ZFR: variants seen among roughly 807,000 people sequenced by gnomAD.
ZFR encodes zinc finger RNA binding protein, also known as zinc finger RNA-binding protein.
A neutral mutation model predicts 130.7 loss-of-function variants in ZFR; 19 were observed. The ratio of observed to expected loss-of-function variants is 0.15; its 90% CI spans 0.10 to 0.21. ZFR has a LOEUF of 0.21. Ranked by LOEUF, ZFR falls within the 10% of genes least tolerant of loss-of-function variation. ZFR has a pLI of 1.00. For synonymous variants in ZFR, 466 were observed against 456.9 expected (o/e 1.02, Z -0.25); for missense variants, 872 against 1,321.5 (o/e 0.66, Z 5.27).
intron 8 of ZFR, 77 bp downstream of exon 8, chr5:32,403,029 G>T: frequency 6.9e-7 from 1 of 1,447,714 alleles, no homozygotes; most frequent in Non-Finnish European, 9.5e-7. Flanking sequence ...AGAACACAGG[G>T]AGAAGGGTTA....
At chr5:32,391,103 A>C (rs186346515) in intron 11 of ZFR, among the ~76,000 whole-genome samples, 1 of 152,322 alleles carries the variant, frequency 6.6e-6, no homozygotes. Context: ...AACAATTCGT[A>C]AGTTTTAAAT....
chr5:32,378,069 ATAAT>A (rs1752863767), intron 17 of ZFR, among the ~76,000 whole-genome samples: 1 of 152,232 alleles, frequency 6.6e-6, no homozygotes, highest in South Asian at 2.1e-4. Flanking sequence ...TGTAAAGAAT[ATAAT>A]TAGTCTAATA....
At position 32,387,557 on chromosome 5, in the gene ZFR, G is replaced by C. The variant is rs1753068646; in HGVS notation, c.2491C>G (p.Gln831Glu). The change falls in exon 14 of 20, where the codon CAG becomes GAG. Residue 831 changes from glutamine to glutamate, a missense_variant. By Grantham distance (29) the Gln-to-Glu change is conservative (BLOSUM62 2). Coordinates refer to ENST00000265069, the MANE Select transcript of ZFR (RefSeq NM_016107.5). ...ATTTCCATAATACTTACAGCAAGCT[G>C]TTTGGGTAGGTTTTCTGCAATACGG... ...LSRIAENLPK[Q>E]LAVISPEKYD... The C allele has an allele frequency of 6.2e-7, 1 of 1,612,284 alleles. No homozygotes were observed. The highest frequency in any genetic ancestry group is 8.5e-7 in the Non-Finnish European group (1 of 1,179,194).
chr5:32,428,048 T>C (rs1042801306), intron 2 of ZFR, among the ~76,000 whole-genome samples: 2 of 152,160 alleles, frequency 1.3e-5, no homozygotes, highest in Non-Finnish European at 2.9e-5. Context: ...CTTCATGACA[T>C]GAAATTTGGC....
At chr5:32,377,890 C>T (rs1455723139) in intron 17 of ZFR, among the ~76,000 whole-genome samples, 1 of 151,862 alleles carries the variant, frequency 6.6e-6, no homozygotes, top group East Asian at 1.9e-4. Context: ...CGAGGTTTCA[C>T]TATGTTGGCC....
intron 2 of ZFR, among the ~76,000 whole-genome samples, chr5:32,440,376 G>A (rs1754441600): frequency 1.3e-5 from 2 of 152,148 alleles, no homozygotes; most frequent in South Asian, 2.1e-4. Context: ...GGTTGGGCGC[G>A]GTGGCTCATG....
At chr5:32,434,057 G>A (rs1754279588) in intron 2 of ZFR, among the ~76,000 whole-genome samples, 1 of 152,174 alleles carries the variant, frequency 6.6e-6, no homozygotes, top group Non-Finnish European at 1.5e-5. Context: ...GCTAGAGTTC[G>A]AAACCCTTGC....
chr5:32,432,394 T>C lies in ZFR; in HGVS notation c.137+11835A>G, dbSNP rs116311355. ...CCATTGTGGTTTTGATTTGCATTTC[T>C]ATGGTAGTCAGTGATGTTGAGCGTC... On this transcript the variant is annotated intron_variant, in intron 2 of 19. Transcript: ENST00000265069. 9.9e-3 allele frequency among the ~76,000 whole-genome samples: 1,502 copies of C among 152,310 alleles called. 31 individuals carry two copies. The highest frequency in any genetic ancestry group is 0.035 in the African/African-American group (1,444 of 41,564).
intron 2 of ZFR, among the ~76,000 whole-genome samples, chr5:32,422,808 A>AAAAAAAAC: frequency 6.7e-6 from 1 of 148,902 alleles, no homozygotes; most frequent in Non-Finnish European, 1.5e-5. Flanking sequence ...CAAAAAAAAA[A>AAAAAAAAC]AAAAAAAAAA....
intron 17 of ZFR, among the ~76,000 whole-genome samples, chr5:32,366,142 T>G (rs1429258606): frequency 6.6e-6 from 1 of 152,216 alleles, no homozygotes; most frequent in Non-Finnish European, 1.5e-5. Context: ...TGACATGGAA[T>G]GATTTTGGAA....
intron 2 of ZFR, among the ~76,000 whole-genome samples, chr5:32,433,494 A>G (rs985264804): frequency 6.6e-6 from 1 of 152,170 alleles, no homozygotes; most frequent in South Asian, 2.1e-4. Context: ...AACAAGTTCT[A>G]TCTGGTTCAT....
intron 8 of ZFR, among the ~76,000 whole-genome samples, chr5:32,402,616 A>G (rs995972824): frequency 2.6e-5 from 4 of 151,428 alleles, no homozygotes; most frequent in African/African-American, 7.3e-5. Context: ...AAAAAAAGAA[A>G]AAAAAAAAAA....
At chr5:32,428,300 G>A (rs1754121713) in intron 2 of ZFR, among the ~76,000 whole-genome samples, 3 of 152,218 alleles carry the variant, frequency 2.0e-5, no homozygotes, top group Admixed American at 6.5e-5. Context: ...TGTAGTCCCA[G>A]CTACTCAGGG....
chr5:32,436,135 GTATTCTTTT>G (rs1754326150), intron 2 of ZFR, among the ~76,000 whole-genome samples: 1 of 100,384 alleles, frequency 1.0e-5, no homozygotes, highest in Non-Finnish European at 1.9e-5. Flanking sequence ...AACCACAGTT[GTATTCTTTT>G]TTTTTTTTTT....
At chr5:32,392,471 T>C (rs930806939) in intron 11 of ZFR, among the ~76,000 whole-genome samples, 3 of 152,110 alleles carry the variant, frequency 2.0e-5, no homozygotes, top group Admixed American at 6.5e-5. Flanking sequence ...TTATTAATAA[T>C]AACAACGTAA....
intron 5 of ZFR, among the ~76,000 whole-genome samples, chr5:32,409,935 T>TA (rs946177425): frequency 6.6e-6 from 1 of 152,004 alleles, no homozygotes; most frequent in African/African-American, 2.4e-5. Context: ...ATAGTGCCAC[T>TA]ACACTCCAGC....
chr5:32,426,242 A>G (rs371638656), intron 2 of ZFR, among the ~76,000 whole-genome samples: 17 of 152,188 alleles, frequency 1.1e-4, no homozygotes, highest in Admixed American at 6.5e-5. Context: ...TCTACTCTCT[A>G]CAACATTTGT....
intron 17 of ZFR, among the ~76,000 whole-genome samples, chr5:32,366,614 T>A (rs1185489000): frequency 1.3e-5 from 2 of 152,146 alleles, no homozygotes; most frequent in African/African-American, 4.8e-5. Flanking sequence ...CTAAAGAACA[T>A]AGCTATTCTC....
chr5:32,421,673 A>C (rs1332869083), intron 2 of ZFR, among the ~76,000 whole-genome samples: 1 of 152,186 alleles, frequency 6.6e-6, no homozygotes, highest in Non-Finnish European at 1.5e-5. Context: ...AATAGTTGGA[A>C]GTTACAGGGT....
Sources: gnomAD v4.1 joint callset for allele counts (sites outside exome capture counted in the v4.1 genomes callset) on GRCh38, gnomAD v4.1.1 for gene constraint, MANE v1.5 for transcripts, NCBI Gene and HGNC (gene_info 2026-07-23, HGNC 2026-07-21) for gene names.